KHDRBS2: variants seen among roughly 807,000 people sequenced by gnomAD.
The protein encoded by KHDRBS2 is KH RNA binding domain containing, signal transduction associated 2.
A neutral mutation model predicts 44.3 loss-of-function variants in KHDRBS2; 26 were observed. The observed-to-expected ratio is 0.59, with a 90% confidence interval of 0.43 to 0.81. The LOEUF (loss-of-function observed/expected upper bound fraction) is 0.81. KHDRBS2 is among the 40% of genes least tolerant of loss of function. The pLI is 0.00. For missense variants in KHDRBS2, 476 were observed against 433.1 expected (o/e 1.10, Z -0.88); for synonymous variants, 194 against 151.1 (o/e 1.28, Z -2.08).
chr6:61,785,109 C>A (rs961143898), intron 6 of KHDRBS2, among the ~76,000 whole-genome samples: 1 of 151,828 alleles, frequency 6.6e-6, no homozygotes, highest in African/African-American at 2.4e-5. Flanking sequence ...ATAATCGTGA[C>A]ACTATACTCC....
chr6:61,554,467 A>G, the KHDRBS2 span, among the ~76,000 whole-genome samples: 4 of 149,270 alleles, frequency 2.7e-5, no homozygotes, highest in Non-Finnish European at 6.0e-5. Flanking sequence ...CTAACTTGTC[A>G]ATCTACACCT....
chr6:61,771,241 C>A (rs1253919291), intron 6 of KHDRBS2, among the ~76,000 whole-genome samples: 1 of 152,054 alleles, frequency 6.6e-6, no homozygotes, highest in African/African-American at 2.4e-5. Context: ...CATGCCAAAT[C>A]GTAAAGACCA....
intron 4 of KHDRBS2, among the ~76,000 whole-genome samples, chr6:61,943,556 A>G (rs1562486934): frequency 6.6e-6 from 1 of 152,192 alleles, no homozygotes; most frequent in African/African-American, 2.4e-5. Flanking sequence ...ACTACTGAAG[A>G]AAACACAGGG....
chr6:61,723,813 T>A (rs1160118307), intron 7 of KHDRBS2, among the ~76,000 whole-genome samples: 6 of 152,142 alleles, frequency 3.9e-5, no homozygotes, highest in African/African-American at 1.4e-4. Context: ...CTGATTAATA[T>A]GGGATTATTT....
chr6:62,082,899 C>A (rs377462079), intron 2 of KHDRBS2, among the ~76,000 whole-genome samples: 1 of 152,040 alleles, frequency 6.6e-6, no homozygotes, highest in African/African-American at 2.4e-5. Flanking sequence ...ATGTGAGATA[C>A]CCCCGGAATC....
rs1356700230 is a variant in KHDRBS2, at chr6:61,955,466, GTA to G, written c.483+22598_483+22599del. Among the ~76,000 whole-genome samples, 2 of 78,770 alleles carry G rather than the reference GTA, an allele frequency of 2.5e-5. 1 individual carries two copies. Among genetic ancestry groups the G allele is most frequent in the Admixed American group, 2.9e-4 (2 of 6,882 alleles). 51.7% of individuals were successfully genotyped at this position (78,770 alleles called of 152,430 possible). A position where few individuals can be genotyped will look rare whatever the true frequency, so the allele number is the denominator to read the frequency against. ...TACATATGTGTATATATACATATGTGTATATATACACATATGTATGTATGTAT... is the reference window on the plus strand; with the variant it reads ...TACATATGTGTATATATACATATGTGTATATACACATATGTATGTATGTAT... On this transcript the variant is annotated intron_variant, in intron 4 of 8. Transcript: ENST00000281156.
At chr6:61,793,935 G>C (rs1422823322) in intron 6 of KHDRBS2, among the ~76,000 whole-genome samples, 3 of 152,042 alleles carry the variant, frequency 2.0e-5, no homozygotes, top group Non-Finnish European at 4.4e-5. Flanking sequence ...AGTTCAGATG[G>C]CAATGGGCTA....
At chr6:61,661,881 G>T in the KHDRBS2 span, among the ~76,000 whole-genome samples, 1 of 151,974 alleles carries the variant, frequency 6.6e-6, no homozygotes. Context: ...TTTATTCACA[G>T]AATTGGGAAA....
At chr6:61,830,121 A>G (rs1791563523) in intron 6 of KHDRBS2, among the ~76,000 whole-genome samples, 2 of 152,174 alleles carry the variant, frequency 1.3e-5, no homozygotes, top group African/African-American at 4.8e-5. Context: ...TATAATATGA[A>G]ACCACATTTT....
At chr6:61,942,801 G>C (rs1812389607) in intron 4 of KHDRBS2, among the ~76,000 whole-genome samples, 1 of 151,922 alleles carries the variant, frequency 6.6e-6, no homozygotes, top group African/African-American at 2.4e-5. Flanking sequence ...GAAAAACAAA[G>C]AGAGAATTAT....
At chr6:61,898,262 C>A (rs1413483883) in intron 5 of KHDRBS2, among the ~76,000 whole-genome samples, 1 of 151,486 alleles carries the variant, frequency 6.6e-6, no homozygotes, top group Non-Finnish European at 1.5e-5. Flanking sequence ...TTTTGTAAAG[C>A]TATTTTCTTT....
the KHDRBS2 span, among the ~76,000 whole-genome samples, chr6:61,655,976 A>G: frequency 6.6e-6 from 1 of 152,066 alleles, no homozygotes; most frequent in African/African-American, 2.4e-5. Flanking sequence ...TTGTTTCTGT[A>G]GGAGCAGTAA....
chr6:62,105,421 T>C (rs536080969), intron 2 of KHDRBS2, among the ~76,000 whole-genome samples: 1 of 152,322 alleles, frequency 6.6e-6, no homozygotes, highest in South Asian at 2.1e-4. Flanking sequence ...GTCTTTTTGG[T>C]TGGTAAGCTA....
At chr6:62,176,549 AC>A (rs1235461388) in intron 2 of KHDRBS2, among the ~76,000 whole-genome samples, 1 of 151,208 alleles carries the variant, frequency 6.6e-6, no homozygotes, top group Non-Finnish European at 1.5e-5. Context: ...CATTCATTTG[AC>A]CAAAAAAAAT....
At chr6:61,857,717 G>T (rs997146279) in intron 6 of KHDRBS2, among the ~76,000 whole-genome samples, 1 of 151,914 alleles carries the variant, frequency 6.6e-6, no homozygotes, top group East Asian at 1.9e-4. Flanking sequence ...TGAACAGTAT[G>T]ATCTCATAAA....
intron 6 of KHDRBS2, among the ~76,000 whole-genome samples, chr6:61,830,452 A>G (rs573401040): frequency 1.3e-5 from 2 of 152,378 alleles, no homozygotes; most frequent in South Asian, 4.1e-4. Flanking sequence ...GGTAAACCAT[A>G]GAACATTTTG....
the KHDRBS2 span, among the ~76,000 whole-genome samples, chr6:61,586,341 G>T: frequency 6.6e-6 from 1 of 152,092 alleles, no homozygotes; most frequent in Non-Finnish European, 1.5e-5. Context: ...TTTCTTTTCA[G>T]TGCATTTTCC....
chr6:62,186,039 C>A (rs1416915554), intron 1 of KHDRBS2, among the ~76,000 whole-genome samples: 1 of 152,144 alleles, frequency 6.6e-6, no homozygotes, highest in East Asian at 1.9e-4. Flanking sequence ...TTATGAGGGG[C>A]ATCCTAGTAT....
At chr6:61,636,109 C>A in the KHDRBS2 span, among the ~76,000 whole-genome samples, 1 of 152,052 alleles carries the variant, frequency 6.6e-6, no homozygotes, top group Non-Finnish European at 1.5e-5. Context: ...TGGAATCCCA[C>A]ACCTAAAATG....
Sources: gnomAD v4.1 joint callset for allele counts (sites outside exome capture counted in the v4.1 genomes callset) on GRCh38, gnomAD v4.1.1 for gene constraint, MANE v1.5 for transcripts, NCBI Gene and HGNC (gene_info 2026-07-23, HGNC 2026-07-21) for gene names.